Variants in ADGRL2 observed in about 807,000 individuals in gnomAD.
The protein encoded by ADGRL2 is calcium-independent alpha-latrotoxin receptor 2.
In ADGRL2, 44 loss-of-function variants were observed where a neutral mutation model predicts 157.4. The observed-to-expected ratio is 0.28, with a 90% CI of 0.22 to 0.36. The LOEUF is 0.36. Ranked by LOEUF, ADGRL2 falls within the 10% of genes least tolerant of loss-of-function variation. The pLI is 1.00. For synonymous variants in ADGRL2, 585 were observed against 624.7 expected (o/e 0.94, Z 0.95); for missense variants, 1,510 against 1,768.9 (o/e 0.85, Z 2.63).
At chr1:81,687,164 G>A (rs2083246022) in intron 3 of ADGRL2, among the ~76,000 whole-genome samples, 1 of 152,106 alleles carries the variant, frequency 6.6e-6, no homozygotes, top group African/African-American at 2.4e-5. Context: ...TTTGTTCCAA[G>A]GTATAGTTTA....
intron 1 of ADGRL2, among the ~76,000 whole-genome samples, chr1:81,818,885 A>G (rs2090692888): frequency 6.6e-6 from 1 of 152,272 alleles, no homozygotes; most frequent in Non-Finnish European, 1.5e-5. Context: ...ATTGTAGGCT[A>G]TATAGTCTTT....
At chr1:81,540,395 A>C (rs574755410) in intron 2 of ADGRL2, among the ~76,000 whole-genome samples, 12 of 152,374 alleles carry the variant, frequency 7.9e-5, no homozygotes, top group Admixed American at 2.0e-4. Flanking sequence ...TAGACACTAC[A>C]GATAAAATGC....
At chr1:81,652,825 T>G (rs1301777390) in intron 3 of ADGRL2, among the ~76,000 whole-genome samples, 1 of 152,134 alleles carries the variant, frequency 6.6e-6, no homozygotes, top group African/African-American at 2.4e-5. Context: ...AGTGAGGGGG[T>G]GATTTATTAC....
chr1:81,548,061 C>A (rs1034068250), intron 2 of ADGRL2, among the ~76,000 whole-genome samples: 1 of 152,164 alleles, frequency 6.6e-6, no homozygotes, highest in Non-Finnish European at 1.5e-5. Flanking sequence ...GGAGTTCTTT[C>A]TCTTACCCAC....
At chr1:81,648,118 G>A (rs1348029113) in intron 3 of ADGRL2, among the ~76,000 whole-genome samples, 1 of 152,162 alleles carries the variant, frequency 6.6e-6, no homozygotes, top group East Asian at 1.9e-4. Context: ...AATAGAGTCT[G>A]AAAGAGAGAG....
chr1:81,443,458 C>G (rs1383266623), intron 1 of ADGRL2, among the ~76,000 whole-genome samples: 1 of 151,588 alleles, frequency 6.6e-6, no homozygotes, highest in Non-Finnish European at 1.5e-5. Flanking sequence ...AAAAAGTTCA[C>G]TGAGTGATAT....
chr1:81,449,566 A>T (rs549472676), intron 2 of ADGRL2, among the ~76,000 whole-genome samples: 2 of 152,142 alleles, frequency 1.3e-5, no homozygotes. Context: ...GAGAACTACA[A>T]TTACAACAGT....
At chr1:81,522,976 A>C (rs929145391) in intron 2 of ADGRL2, among the ~76,000 whole-genome samples, 4 of 152,190 alleles carry the variant, frequency 2.6e-5, no homozygotes, top group African/African-American at 9.7e-5. Context: ...CAAACTATGT[A>C]ATTCAAGAAC....
At chr1:81,389,415 G>A (rs2076495058) in intron 1 of ADGRL2, among the ~76,000 whole-genome samples, 1 of 152,122 alleles carries the variant, frequency 6.6e-6, no homozygotes, top group Admixed American at 6.6e-5. Flanking sequence ...TTAATGAAGG[G>A]ATGCATAGAA....
In ADGRL2 at chr1:81,654,041, G is replaced by A. The variant is rs547737822; in HGVS notation, c.-143+73061G>A. 3.1e-3 allele frequency among the ~76,000 whole-genome samples: 473 copies of A among 152,194 alleles called. 2 individuals are homozygous for A. Among genetic ancestry groups the A allele is most frequent in the Non-Finnish European group, 5.6e-3 (378 of 68,026 alleles). On this transcript the variant is annotated intron_variant, in intron 3 of 24. Transcript: ENST00000370721. Reference sequence around the variant, plus strand: ...GCTCACTGCAACCTCCATCCCCCAGGTTCAAGCAATTCTCCTGCCTCAGCC... The same window carrying A: ...GCTCACTGCAACCTCCATCCCCCAGATTCAAGCAATTCTCCTGCCTCAGCC...
chr1:81,700,824 A>T (rs1365327519), intron 1 of ADGRL2, among the ~76,000 whole-genome samples: 3 of 152,202 alleles, frequency 2.0e-5, no homozygotes, highest in Non-Finnish European at 2.9e-5. Flanking sequence ...AATGCTGGGG[A>T]CAGAGTGTCA....
intron 13 of ADGRL2, among the ~76,000 whole-genome samples, chr1:81,966,893 A>G (rs1481291157): frequency 2.6e-5 from 4 of 152,210 alleles, no homozygotes; most frequent in African/African-American, 4.8e-5. Context: ...AATGACTCTA[A>G]TTTGTTTTCA....
intron 3 of ADGRL2, among the ~76,000 whole-genome samples, chr1:81,614,747 A>G (rs2081607884): frequency 6.6e-6 from 1 of 152,044 alleles, no homozygotes; most frequent in South Asian, 2.1e-4. Flanking sequence ...ATATCAGGCC[A>G]GGCTCAGTAG....
intron 3 of ADGRL2, among the ~76,000 whole-genome samples, chr1:81,659,210 C>G (rs896892198): frequency 6.6e-6 from 1 of 151,830 alleles, no homozygotes; most frequent in Non-Finnish European, 1.5e-5. Flanking sequence ...TACAGGTATG[C>G]ACCATCACGG....
In ADGRL2 at chr1:81,951,039, T is replaced by C; in HGVS notation, c.1526T>C (p.Met509Thr). The stretch of plus-strand genomic sequence containing the variant: ...GTAGGAACTGCCTCATATCTCTGCA[T>C]GATTTCCACTGGAACATGGAACCCT... ...GTRGTASYLC[M>T]ISTGTWNPKG... The change falls in exon 8 of 24, where the codon ATG becomes ACG. Residue 509 changes from methionine to threonine, a missense_variant. By Grantham distance (81) the Met-to-Thr change is moderately conservative (BLOSUM62 -1). Coordinates refer to ENST00000686636, the MANE Select transcript of ADGRL2 (RefSeq NM_001366006.2). The C allele has an allele frequency of 6.2e-7, 1 of 1,613,086 alleles. No individual in the cohort carries two copies. Among genetic ancestry groups the C allele is most frequent in the Non-Finnish European group, 8.5e-7 (1 of 1,179,104 alleles).
chr1:81,864,337 A>G (rs1157737872), intron 2 of ADGRL2, among the ~76,000 whole-genome samples: 2 of 152,088 alleles, frequency 1.3e-5, no homozygotes, highest in African/African-American at 4.8e-5. Context: ...ATACGTATAT[A>G]TTTAGTGAGG....
intron 14 of ADGRL2, 119 bp from the exon 15 acceptor site, chr1:81,969,059 T>C (rs1031214796): frequency 1.5e-5 from 11 of 724,664 alleles, no homozygotes; most frequent in Non-Finnish European, 2.6e-5. Flanking sequence ...TGAACACATA[T>C]GAATAGTATT....
intron 1 of ADGRL2, among the ~76,000 whole-genome samples, chr1:81,326,633 G>C (rs1660918577): frequency 6.6e-6 from 1 of 152,122 alleles, no homozygotes; most frequent in Admixed American, 6.5e-5. Context: ...ACATTAATTT[G>C]CTCTAGGGAC....
chr1:81,957,597 A>G (rs1653944777), intron 11 of ADGRL2, among the ~76,000 whole-genome samples: 1 of 152,074 alleles, frequency 6.6e-6, no homozygotes, highest in Non-Finnish European at 1.5e-5. Flanking sequence ...AGTCCCAGCT[A>G]CTGGGGAGGC....
Sources: gnomAD v4.1 joint callset for allele counts (sites outside exome capture counted in the v4.1 genomes callset) on GRCh38, gnomAD v4.1.1 for gene constraint, MANE v1.5 for transcripts, NCBI Gene and HGNC (gene_info 2026-07-23, HGNC 2026-07-21) for gene names.